Variants in ATF7IP observed in about 807,000 individuals in gnomAD.
ATF7IP encodes activating transcription factor 7 interacting protein.
In ATF7IP, 23 loss-of-function variants were observed where a neutral mutation model predicts 106.4. That is an observed-to-expected ratio of 0.22 (90% CI 0.16 to 0.31). The LOEUF (loss-of-function observed/expected upper bound fraction) is 0.31. ATF7IP is among the 10% of genes least tolerant of loss of function. ATF7IP has a pLI of 1.00. For synonymous variants in ATF7IP, 542 were observed against 539.0 expected (o/e 1.01, Z -0.08); for missense variants, 1,334 against 1,524.3 (o/e 0.88, Z 2.08).
At chr12:14,445,139 C>T (rs1198330506) in intron 5 of ATF7IP, among the ~76,000 whole-genome samples, 15 of 151,604 alleles carry the variant, frequency 9.9e-5, no homozygotes, top group Admixed American at 3.9e-4. Context: ...TACAGGCGCG[C>T]GCCACCACGC....
At chr12:14,485,736 C>T (rs1279485617) in intron 13 of ATF7IP, among the ~76,000 whole-genome samples, 1 of 152,200 alleles carries the variant, frequency 6.6e-6, no homozygotes, top group South Asian at 2.1e-4. Context: ...AAGTCAATGG[C>T]TGCACACCAG....
intron 4 of ATF7IP, among the ~76,000 whole-genome samples, chr12:14,437,793 C>G (rs1397267656): frequency 2.0e-5 from 3 of 152,158 alleles, no homozygotes; most frequent in East Asian, 1.9e-4. Flanking sequence ...GTGGCTCACG[C>G]CTGTAATCCC....
chr12:14,437,311 GC>G (rs1942448300), intron 4 of ATF7IP, among the ~76,000 whole-genome samples: 1 of 152,124 alleles, frequency 6.6e-6, no homozygotes, highest in Non-Finnish European at 1.5e-5. Context: ...TTAAAATATA[GC>G]ATACATATTT....
chr12:14,397,994 A>T (rs1939947376), intron 1 of ATF7IP, among the ~76,000 whole-genome samples: 2 of 152,234 alleles, frequency 1.3e-5, no homozygotes, highest in South Asian at 4.1e-4. Context: ...TTCATTGATA[A>T]ACTTTAACAT....
chr12:14,449,480 A>G (rs1301186396), intron 6 of ATF7IP, among the ~76,000 whole-genome samples: 1 of 151,750 alleles, frequency 6.6e-6, no homozygotes, highest in Non-Finnish European at 1.5e-5. Flanking sequence ...CTCTCTATTC[A>G]TTTCCTTTGG....
At chr12:14,497,447 G>A (rs954063771) in intron 14 of ATF7IP, among the ~76,000 whole-genome samples, 3 of 152,072 alleles carry the variant, frequency 2.0e-5, no homozygotes, top group Non-Finnish European at 4.4e-5. Flanking sequence ...AAGTATAGTA[G>A]GAATAACCTC....
intron 5 of ATF7IP, among the ~76,000 whole-genome samples, chr12:14,438,717 T>C (rs1942543622): frequency 6.6e-6 from 1 of 152,168 alleles, no homozygotes. Flanking sequence ...AGGGGCCCAC[T>C]ATACTCCAAC....
intron 9 of ATF7IP, among the ~76,000 whole-genome samples, chr12:14,462,160 T>G (rs1201220579): frequency 2.0e-5 from 3 of 150,534 alleles, no homozygotes; most frequent in Non-Finnish European, 4.5e-5. Context: ...AAGAATAAAC[T>G]AATGTTTTAT....
At chr12:14,481,567 G>C in intron 13 of ATF7IP, 1 of 417,048 alleles carries the variant, frequency 2.4e-6, no homozygotes, top group Non-Finnish European at 4.6e-6. Context: ...AGAAATGGCA[G>C]TATAACCAAA....
intron 1 of ATF7IP, among the ~76,000 whole-genome samples, chr12:14,406,377 G>A (rs1940580158): frequency 6.6e-6 from 1 of 152,094 alleles, no homozygotes; most frequent in South Asian, 2.1e-4. Context: ...GGGATTACTG[G>A]CGAGAGCCAC....
intron 1 of ATF7IP, among the ~76,000 whole-genome samples, chr12:14,410,370 G>A (rs1940846582): frequency 6.6e-6 from 1 of 151,926 alleles, no homozygotes. Flanking sequence ...TGTCCAGTAT[G>A]TCCAGCATAT....
At chr12:14,490,157 G>A (rs1158911366) in intron 13 of ATF7IP, among the ~76,000 whole-genome samples, 1 of 152,190 alleles carries the variant, frequency 6.6e-6, no homozygotes, top group East Asian at 1.9e-4. Context: ...TGCCACCATG[G>A]CTACTATGTT....
intron 3 of ATF7IP, among the ~76,000 whole-genome samples, chr12:14,434,999 T>C (rs947833452): frequency 6.6e-6 from 1 of 151,910 alleles, no homozygotes; most frequent in Non-Finnish European, 1.5e-5. Flanking sequence ...GCAGTGGTAG[T>C]ATTGCTTGAG....
In ATF7IP at chr12:14,375,929, A is replaced by G. The variant is rs1405262997; in HGVS notation, c.-8+10102A>G. On this transcript the variant is annotated intron_variant, in intron 1 of 14. Transcript: ENST00000261168. The stretch of plus-strand genomic sequence containing the variant: ...AGAATGTAAATGCATTTAAAAAGTA[A>G]CTTGGAAAGGTCGGTTTCATATTAC... 2.6e-5 allele frequency among the ~76,000 whole-genome samples: 4 copies of G among 152,320 alleles called. No individual in the cohort carries two copies. In the East Asian group the frequency reaches 7.7e-4, roughly 29 times the overall value.
intron 10 of ATF7IP, among the ~76,000 whole-genome samples, chr12:14,469,241 T>G (rs1361474681): frequency 1.3e-5 from 2 of 151,494 alleles, no homozygotes; most frequent in African/African-American, 4.9e-5. Context: ...ACGCTTGTAA[T>G]CCCAGCTACT....
At chr12:14,396,437 TAA>T in intron 1 of ATF7IP, among the ~76,000 whole-genome samples, 1 of 146,196 alleles carries the variant, frequency 6.8e-6, no homozygotes. Flanking sequence ...TGCTTGGATT[TAA>T]AAAAAAAAAG....
chr12:14,488,699 C>T lies in ATF7IP; in HGVS notation c.3280+7514C>T, dbSNP rs145825816. Among the ~76,000 whole-genome samples the T allele has an allele frequency of 1.4e-3, 206 of 152,258 alleles. 1 individual carries two copies. Among genetic ancestry groups the T allele is most frequent in the African/African-American group, 4.8e-3 (200 of 41,554 alleles). ...CCCATATACATCTCCTAATATCATA[C>T]GCAGCCTTCAAATAAAGAGGGTAAT... On this transcript the variant is annotated intron_variant, in intron 13 of 14. Transcript: ENST00000261168.
At chr12:14,389,542 A>G (rs1198253010) in intron 1 of ATF7IP, among the ~76,000 whole-genome samples, 1 of 152,220 alleles carries the variant, frequency 6.6e-6, no homozygotes, top group East Asian at 1.9e-4. Context: ...CTTTGAAAAA[A>G]ATTCATTTTC....
In ATF7IP at chr12:14,424,481, C is replaced by T; in HGVS notation, c.566C>T (p.Ala189Val). The T allele has an allele frequency of 6.2e-7, 1 of 1,613,796 alleles. No homozygotes were observed. Among genetic ancestry groups the T allele is most frequent in the Non-Finnish European group, 8.5e-7 (1 of 1,179,862 alleles). The change falls in exon 2 of 15, where the codon GCC (alanine) becomes GTC (valine). Residue 189 changes from alanine to valine, a missense_variant. Coordinates refer to ENST00000261168, the MANE Select transcript of ATF7IP (RefSeq NM_018179.5). ...APSGDVSPGD[A>V]TSGDATADDL... ...TCTGGTGATGTGTCCCCTGGTGATG[C>T]CACCTCTGGTGATGCCACTGCTGAT...
Sources: allele counts gnomAD v4.1 joint callset (sites outside exome capture counted in the v4.1 genomes callset), GRCh38; gene constraint gnomAD v4.1.1; transcripts MANE v1.5; gene names NCBI Gene and HGNC (gene_info 2026-07-23, HGNC 2026-07-21).